NLRC5: variants seen among roughly 807,000 people sequenced by gnomAD.
The protein encoded by NLRC5 is NLR family CARD domain containing 5.
NLRC5 carries 114 observed loss-of-function variants against 206.9 expected under a neutral mutation model. That is an observed-to-expected ratio of 0.55 (90% CI 0.47 to 0.64). The LOEUF is 0.64. NLRC5 is among the 30% of genes least tolerant of loss of function. The pLI is 0.00. For missense variants in NLRC5, 2,008 were observed against 2,305.5 expected, an observed-to-expected ratio of 0.87 and a Z score of 2.64; for synonymous variants, 952 against 962.8, an observed-to-expected ratio of 0.99 and a Z score of 0.21.
At chr16:57,074,721 G>T in intron 39 of NLRC5, 38 bp downstream of exon 39, 2 of 1,588,352 alleles carry the variant, frequency 1.3e-6, no homozygotes, top group Non-Finnish European at 1.7e-6. Context: ...TGAGTGGGAA[G>T]AAACACTTCC....
chr16:57,014,426 A>T (rs762587487), intron 1 of NLRC5, among the ~76,000 whole-genome samples: 5 of 152,228 alleles, frequency 3.3e-5, no homozygotes, highest in African/African-American at 1.2e-4. Flanking sequence ...TGATCCTCCC[A>T]ACAAATAGCC....
At chr16:57,077,890 G>A in intron 42 of NLRC5, 53 bp from the exon 43 acceptor site, 4 of 1,608,350 alleles carry the variant, frequency 2.5e-6, no homozygotes, top group Admixed American at 1.7e-5. Flanking sequence ...GGCAGGGCGG[G>A]GGTCCCGAGT....
chr16:57,013,501 A>T (rs289704), intron 1 of NLRC5: 745,683 of 773,948 alleles, frequency 0.96, 363,421 homozygotes, highest in East Asian at 1. Context: ...CACAGATTCC[A>T]TTGGCTGCTT....
chr16:56,997,205 A>G (rs1395706101), intron 1 of NLRC5, among the ~76,000 whole-genome samples: 9 of 151,920 alleles, frequency 5.9e-5, no homozygotes, highest in Non-Finnish European at 1.2e-4. Flanking sequence ...TTGTTGCTTG[A>G]CTTCTTGGAG....
At chr16:57,010,740 C>T (rs1463503561) in intron 1 of NLRC5, among the ~76,000 whole-genome samples, 1 of 152,168 alleles carries the variant, frequency 6.6e-6, no homozygotes, top group Non-Finnish European at 1.5e-5. Context: ...CCACCTATTG[C>T]CTTCCTATTT....
At chr16:57,023,954 G>A (rs1177500505) in intron 5 of NLRC5, 101 bp downstream of exon 5, 3 of 1,064,246 alleles carry the variant, frequency 2.8e-6, no homozygotes, top group Non-Finnish European at 4.2e-6. Flanking sequence ...AGCCTCCAGA[G>A]GCCCAGTGAC....
intron 20 of NLRC5, among the ~76,000 whole-genome samples, chr16:57,044,081 G>A (rs1241927533): frequency 2.7e-5 from 4 of 150,932 alleles, no homozygotes; most frequent in Non-Finnish European, 4.4e-5. Flanking sequence ...GGCGGATCAC[G>A]TGAGGTCAGG....
chr16:57,050,000 G>C (rs2064642084), intron 23 of NLRC5, among the ~76,000 whole-genome samples: 1 of 151,944 alleles, frequency 6.6e-6, no homozygotes, highest in South Asian at 2.1e-4. Flanking sequence ...ATAGATTGTG[G>C]GGCTCCATCC....
intron 1 of NLRC5, among the ~76,000 whole-genome samples, chr16:57,015,660 G>A (rs2059986154): frequency 6.6e-6 from 1 of 151,548 alleles, no homozygotes; most frequent in South Asian, 2.1e-4. Flanking sequence ...GGGCACAGTG[G>A]CTCATGCCTA....
chr16:57,031,518 C>G lies in NLRC5; in HGVS notation c.2477+55C>G, dbSNP rs199475982. ...GCCATCCTTAGAAGCAACTTGGGCT[C>G]AGGCAGTTGAGGGGAAAGGTGACCA... On this transcript the variant is annotated intron_variant, in intron 11 of 48. Transcript: ENST00000688547. 5.1e-6 allele frequency: 8 copies of G among 1,579,400 alleles called. No individual in the cohort carries two copies. The East Asian group carries it at 1.8e-4, about 35-fold the overall frequency.
At chr16:57,064,273 GAA>G (rs1166264438) in intron 32 of NLRC5, among the ~76,000 whole-genome samples, 4 of 151,956 alleles carry the variant, frequency 2.6e-5, no homozygotes, top group Non-Finnish European at 5.9e-5. Flanking sequence ...AATACATAAA[GAA>G]AATAGTGCTT....
At chr16:57,071,068 G>A (rs2067658707) in intron 38 of NLRC5, among the ~76,000 whole-genome samples, 1 of 128,448 alleles carries the variant, frequency 7.8e-6, no homozygotes, top group African/African-American at 2.8e-5. Context: ...TGGTTAATGG[G>A]GAAGAGTTGT....
intron 2 of NLRC5, among the ~76,000 whole-genome samples, chr16:57,018,055 G>A (rs2060269418): frequency 6.6e-6 from 1 of 152,226 alleles, no homozygotes; most frequent in African/African-American, 2.4e-5. Flanking sequence ...GGAAACAAAG[G>A]TATTGTGTTA....
chr16:57,069,671 T>C (rs1247587333), intron 36 of NLRC5, 165 bp from the exon 37 acceptor site: 5 of 629,460 alleles, frequency 7.9e-6, no homozygotes, highest in Non-Finnish European at 1.4e-5. Flanking sequence ...AGCTCTGTGG[T>C]GGCTTAATGA....
At chr16:57,067,650 C>T (rs2067214984) in intron 35 of NLRC5, 86 bp from the exon 36 acceptor site, 2 of 1,434,426 alleles carry the variant, frequency 1.4e-6, no homozygotes, top group Non-Finnish European at 2.0e-6. Context: ...GGCCCCTTCT[C>T]CTCTCTTGGC....
chr16:56,995,775 T>C (rs2057527651), intron 1 of NLRC5, among the ~76,000 whole-genome samples: 1 of 152,232 alleles, frequency 6.6e-6, no homozygotes, highest in Non-Finnish European at 1.5e-5. Flanking sequence ...CTGTTTTGTG[T>C]GTCTCTCAAT....
chr16:57,059,205 G>A, intron 29 of NLRC5, 144 bp downstream of exon 29: 1 of 1,534,548 alleles, frequency 6.5e-7, no homozygotes, highest in South Asian at 1.2e-5. Flanking sequence ...CTGAATCTCA[G>A]GGTTTCCTGG....
intron 1 of NLRC5, among the ~76,000 whole-genome samples, chr16:57,001,085 C>T (rs940353138): frequency 2.0e-5 from 3 of 152,300 alleles, no homozygotes; most frequent in East Asian, 1.9e-4. Context: ...CAGCCATTCC[C>T]GGGGGGAAGG....
At chr16:57,027,993 A>G (rs2061423616) in intron 6 of NLRC5, 79 bp from the exon 7 acceptor site, 3 of 921,762 alleles carry the variant, frequency 3.3e-6, no homozygotes, top group East Asian at 4.9e-5. Flanking sequence ...ATTAAGCCCC[A>G]TCTCTCTGAG....
Sources: allele counts gnomAD v4.1 joint callset (sites outside exome capture counted in the v4.1 genomes callset), GRCh38; gene constraint gnomAD v4.1.1; transcripts MANE v1.5; gene names NCBI Gene and HGNC (gene_info 2026-07-23, HGNC 2026-07-21).